The following SLK variants were observed in gnomAD, a reference collection of about 807,000 sequenced individuals.
The protein encoded by SLK is STE20-like serine/threonine-protein kinase.
Under a neutral mutation model 147.7 loss-of-function variants are expected in SLK, and 67 were observed. The ratio of observed to expected loss-of-function variants is 0.45; its 90% CI spans 0.37 to 0.56. The LOEUF is 0.56. SLK is among the 20% of genes least tolerant of loss of function. The pLI is 0.00. For missense variants in SLK, 1,136 were observed against 1,438.8 expected (o/e 0.79, Z 3.41); for synonymous variants, 441 against 475.0 (o/e 0.93, Z 0.93).
chr10:103,976,092 G>A (rs975101028), intron 1 of SLK, among the ~76,000 whole-genome samples: 3 of 151,954 alleles, frequency 2.0e-5, no homozygotes, highest in Non-Finnish European at 4.4e-5. Context: ...TTGTAGAGAC[G>A]GGATTTTGCC....
rs1031074491 is a variant in SLK, at chr10:103,967,691, T to G, written c.-55T>G. The G allele has an allele frequency of 2.3e-5, 36 of 1,558,338 alleles. No homozygotes were observed. The highest frequency in any genetic ancestry group is 3.0e-5 in the Non-Finnish European group (34 of 1,144,200). On this transcript the variant is annotated 5_prime_UTR_variant, in exon 1 of 19. Transcript: ENST00000369755. ...GCGGGAGAGCAGGGAAGAGAAACTT[T>G]GCCTTTTATTGTTTTTAGTCCTTAA...
intron 3 of SLK, among the ~76,000 whole-genome samples, 154 bp from the exon 4 acceptor site, chr10:103,992,830 G>A (rs1329759179): frequency 1.4e-5 from 1 of 69,534 alleles, no homozygotes; most frequent in Non-Finnish European, 3.9e-5. Flanking sequence ...TGTTGAGTGT[G>A]TCAAGAATGT....
chr10:104,019,939 GTCTCT>G lies in SLK; in HGVS notation c.3321+24_3321+28del. ...ATTAAACAGGTAAATATGCAAGTTA[GTCTCT>G]TCTCTTTTAGGTTTAAAATTTTTGA... On this transcript the variant is annotated intron_variant, in intron 16 of 18. Transcript: ENST00000369755. 6.3e-7 allele frequency: 1 copy of G among 1,588,318 alleles called. No homozygotes were observed. Among genetic ancestry groups the G allele is most frequent in the Non-Finnish European group, 8.6e-7 (1 of 1,162,350 alleles).
chr10:104,026,569 C>T lies in SLK; in HGVS notation c.*849C>T, dbSNP rs1256603289. 1.3e-5 allele frequency: 2 copies of T among 152,102 alleles called. No individual in the cohort carries two copies. The highest frequency in any genetic ancestry group is 2.9e-5 in the Non-Finnish European group (2 of 68,016). The allele number at this position is 152,102 out of a possible 1,614,324, so 9.4% of individuals were successfully genotyped here. ...AAATGTAAAACTCATGAAATTTAAG[C>T]AATATAGGTTTAGCTATCTGTGTTT... On this transcript the variant is annotated 3_prime_UTR_variant, in exon 19 of 19. Transcript: ENST00000369755.
In SLK at chr10:104,001,463, A is replaced by G. The variant is rs749314143; in HGVS notation, c.884A>G (p.Asp295Gly). ...QLLQHPFVTV[D>G]SNKPIRELIA... ...CAACAGCATCCCTTTGTTACTGTTGATTCCAACAAACCCATCCGAGAATTG... is the reference window on the plus strand; with the variant it reads ...CAACAGCATCCCTTTGTTACTGTTGGTTCCAACAAACCCATCCGAGAATTG... The change falls in exon 8 of 19, where the codon GAT becomes GGT. Residue 295 changes from aspartate (D) to glycine (G), a missense_variant. Transcript: ENST00000369755. 1.2e-6 allele frequency: 2 copies of G among 1,614,078 alleles called. No individual in the cohort carries two copies. The highest frequency in any genetic ancestry group is 2.2e-5 in the South Asian group (2 of 91,072).
At chr10:103,968,141 CTTTCAAA>C (rs1843743917) in intron 1 of SLK, among the ~76,000 whole-genome samples, 1 of 152,206 alleles carries the variant, frequency 6.6e-6, no homozygotes, top group South Asian at 2.1e-4. Flanking sequence ...AAAGTCTACT[CTTTCAAA>C]CTTCAAAGGA....
Position 104,003,001 on chromosome 10 carries a change from T to G in SLK, c.1823T>G (p.Met608Arg), listed in dbSNP as rs1158099056. Residue 608 changes from methionine (M) to arginine (R), a missense_variant, in exon 9 of 19, where the codon ATG becomes AGG. By Grantham distance (91) the Met-to-Arg change is moderately conservative. This residue lies in a region of SLK where 516 missense variants were observed against 531.3 expected (regional missense o/e 0.97). Transcript: ENST00000369755. Reference sequence around the variant, plus strand: ...GTTCCTATTAAAGAAATAGTTGAAATGAATGAAATAGAAGAAGGTAAAAAT... The same window carrying G: ...GTTCCTATTAAAGAAATAGTTGAAAGGAATGAAATAGAAGAAGGTAAAAAT... ...KEVPIKEIVEMNEIEEGKNKE... is the reference protein window; with the variant it reads ...KEVPIKEIVERNEIEEGKNKE... 6.2e-7 allele frequency: 1 copy of G among 1,613,574 alleles called. No individual in the cohort carries two copies. Among genetic ancestry groups the G allele is most frequent in the East Asian group, 2.2e-5 (1 of 44,862 alleles).
At position 104,002,745 on chromosome 10, in the gene SLK, A is replaced by G; in HGVS notation, c.1567A>G (p.Thr523Ala). ...IQAVDSEVGL[T>A]KEDTQEKLGE... ...GGCAGTTGATAGTGAAGTTGGGCTT[A>G]CAAAGGAAGACACCCAAGAGAAATT... The change falls in exon 9 of 19, where the codon ACA becomes GCA. Residue 523 changes from threonine to alanine, a missense_variant. Around this residue, in one of 6 missense-constraint regions of SLK, gnomAD observed 516 missense variants for 531.3 expected, o/e 0.97. Coordinates refer to ENST00000369755, the MANE Select transcript of SLK (RefSeq NM_014720.4). 6.2e-7 allele frequency: 1 copy of G among 1,613,968 alleles called. No homozygotes were observed. Among genetic ancestry groups the G allele is most frequent in the Non-Finnish European group, 8.5e-7 (1 of 1,179,990 alleles).
intron 1 of SLK, among the ~76,000 whole-genome samples, chr10:103,979,587 C>T (rs1201386898): frequency 2.0e-5 from 3 of 151,918 alleles, no homozygotes; most frequent in Non-Finnish European, 4.4e-5. Context: ...TTGGTCTGTG[C>T]CCTGATGGAT....
intron 15 of SLK, among the ~76,000 whole-genome samples, chr10:104,019,359 C>T (rs755770848): frequency 1.3e-5 from 2 of 152,070 alleles, no homozygotes; most frequent in Non-Finnish European, 2.9e-5. Flanking sequence ...CACTTAACCT[C>T]GAACTCCTGG....
chr10:103,998,024 C>T (rs1473333167), intron 4 of SLK, among the ~76,000 whole-genome samples: 1 of 151,988 alleles, frequency 6.6e-6, no homozygotes, highest in African/African-American at 2.4e-5. Context: ...TCCAGAGAAC[C>T]TTCCATTTCT....
intron 18 of SLK, among the ~76,000 whole-genome samples, chr10:104,023,129 G>A (rs1844556633): frequency 6.6e-6 from 1 of 152,162 alleles, no homozygotes; most frequent in Admixed American, 6.5e-5. Context: ...TTATCTAACT[G>A]TTCTCCTTAA....
intron 4 of SLK, among the ~76,000 whole-genome samples, chr10:103,997,044 C>A (rs1844184524): frequency 6.6e-6 from 1 of 152,156 alleles, no homozygotes; most frequent in Non-Finnish European, 1.5e-5. Flanking sequence ...CATCTTGCAG[C>A]AGTTAAAGTC....
intron 1 of SLK, among the ~76,000 whole-genome samples, chr10:103,980,065 A>G (rs749470145): frequency 9.9e-5 from 15 of 152,046 alleles, no homozygotes; most frequent in African/African-American, 2.2e-4. Flanking sequence ...TATTTTTTCT[A>G]TGTAGATACC....
chr10:103,973,678 G>A lies in SLK; in HGVS notation c.150+5783G>A, dbSNP rs184394967. Among the ~76,000 whole-genome samples, 6 of 152,240 alleles carry A rather than the reference G, an allele frequency of 3.9e-5. No homozygotes were observed. The East Asian group carries it at 1.2e-3, about 29-fold the overall frequency. On this transcript the variant is annotated intron_variant, in intron 1 of 18. Transcript: ENST00000369755. ...TGAGTTACAGTTTTTTTCCCTAGAA[G>A]TGGGAACACAAACTACTTCAAGGAT... is the stretch of plus-strand genomic sequence containing the variant.
intron 12 of SLK, 92 bp downstream of exon 12, chr10:104,008,448 C>A: frequency 1.2e-6 from 1 of 822,814 alleles, no homozygotes; most frequent in Non-Finnish European, 1.9e-6. Context: ...ACTAATAATA[C>A]TTGAGAGTTA....
intron 13 of SLK, among the ~76,000 whole-genome samples, chr10:104,016,642 A>G (rs893234563): frequency 1.3e-5 from 2 of 152,188 alleles, no homozygotes; most frequent in Admixed American, 6.5e-5. Context: ...GCTAAAATGC[A>G]AATGATGATG....
chr10:104,007,626 A>G (rs909214692), intron 11 of SLK, among the ~76,000 whole-genome samples: 3 of 143,410 alleles, frequency 2.1e-5, no homozygotes, highest in African/African-American at 8.2e-5. Flanking sequence ...AAAACAAACA[A>G]AAACAGAAAA....
chr10:103,968,014 C>G, intron 1 of SLK, 119 bp downstream of exon 1: 1 of 1,039,360 alleles, frequency 9.6e-7, no homozygotes, highest in Non-Finnish European at 1.4e-6. Context: ...TGTTACGGTT[C>G]GATGCAACTT....
Sources: allele counts gnomAD v4.1 joint callset (sites outside exome capture counted in the v4.1 genomes callset), GRCh38; gene constraint gnomAD v4.1.1; regional missense constraint gnomAD v4.1.1; transcripts MANE v1.5; gene names NCBI Gene and HGNC (gene_info 2026-07-23, HGNC 2026-07-21).